Variants in UBE2D1 observed in about 807,000 individuals in gnomAD.
UBE2D1 encodes ubiquitin conjugating enzyme E2 D1.
A neutral mutation model predicts 24.6 loss-of-function variants in UBE2D1; 9 were observed. The observed-to-expected ratio is 0.37, with a 90% confidence interval of 0.22 to 0.64. UBE2D1 has a LOEUF of 0.64. UBE2D1 is among the 30% of genes least tolerant of loss of function. UBE2D1 has a pLI of 0.64. For missense variants in UBE2D1, 87 were observed against 177.1 expected (o/e 0.49, Z 2.89); for synonymous variants, 57 against 57.6 (o/e 0.99, Z 0.04).
chr10:58,351,405 C>A (rs1430585495), intron 1 of UBE2D1, among the ~76,000 whole-genome samples: 4 of 152,088 alleles, frequency 2.6e-5, no homozygotes, highest in African/African-American at 9.6e-5. Context: ...ATTTTTTTCA[C>A]ATTTTTTTCA....
chr10:58,360,318 G>T (rs1200662885), intron 1 of UBE2D1, among the ~76,000 whole-genome samples: 1 of 151,988 alleles, frequency 6.6e-6, no homozygotes, highest in African/African-American at 2.4e-5. Context: ...TTGAATGTAT[G>T]CCTTTCTTCT....
Position 58,369,048 on chromosome 10 carries a change from A to C in UBE2D1, c.*283A>C, listed in dbSNP as rs1589005600. On this transcript the variant is annotated 3_prime_UTR_variant, in exon 7 of 7. Transcript: ENST00000373910. ...CTTCAGCTTACAAGATCTACAATGCAGCTGAAAAGCAACCAAATTATTTTT... is the reference window on the plus strand; with the variant it reads ...CTTCAGCTTACAAGATCTACAATGCCGCTGAAAAGCAACCAAATTATTTTT... 6 of 224,434 alleles carry C rather than the reference A, an allele frequency of 2.7e-5. No homozygotes were observed. The East Asian group carries it at 5.1e-4, about 19-fold the overall frequency. 13.9% of individuals were successfully genotyped at this position (224,434 alleles called of 1,614,324 possible).
intron 1 of UBE2D1, among the ~76,000 whole-genome samples, chr10:58,341,416 C>A (rs926021881): frequency 1.3e-4 from 20 of 152,026 alleles, no homozygotes; most frequent in African/African-American, 4.8e-4. Flanking sequence ...TAATAAGCCA[C>A]GATGTAAATT....
chr10:58,357,481 A>G, intron 1 of UBE2D1, among the ~76,000 whole-genome samples: 1 of 152,162 alleles, frequency 6.6e-6, no homozygotes. Context: ...AAGCAAAAAA[A>G]GTGGGGTTTT....
chr10:58,367,378 AATTTTC>A (rs1295420212), intron 5 of UBE2D1, among the ~76,000 whole-genome samples: 1 of 152,090 alleles, frequency 6.6e-6, no homozygotes, highest in Non-Finnish European at 1.5e-5. Flanking sequence ...CTACTTTTTC[AATTTTC>A]ATTTCTTTTT....
intron 1 of UBE2D1, among the ~76,000 whole-genome samples, chr10:58,356,744 A>T (rs368615346): frequency 2.1e-4 from 32 of 152,326 alleles, no homozygotes; most frequent in African/African-American, 7.2e-4. Context: ...ATTGTAATTG[A>T]CAATGGTTTG....
rs549571044 is a variant in UBE2D1 at position 58,361,366 on chromosome 10, C to A, written c.53C>A (p.Pro18His). 1 of 1,614,192 alleles carries A rather than the reference C, an allele frequency of 6.2e-7. No individual in the cohort carries two copies. Among genetic ancestry groups the A allele is most frequent in the South Asian group, 1.1e-5 (1 of 91,084 alleles). The change falls in exon 2 of 7, where the codon CCT becomes CAT. Residue 18 changes from proline to histidine, a missense_variant. Physicochemically the swap from Pro to His is moderately conservative, Grantham distance 77 (BLOSUM62 -2). Coordinates refer to ENST00000373910, the MANE Select transcript of UBE2D1 (RefSeq NM_003338.5). ...KELSDLQRDP[P>H]AHCSAGPVGD... ...TTGAGTGATCTACAGCGCGATCCAC[C>A]TGCTCACTGTTCAGCTGGACCTGTG... is the stretch of plus-strand genomic sequence containing the variant.
chr10:58,364,899 AAACAGTTGAT>A, intron 5 of UBE2D1, 23 bp downstream of exon 5: 1 of 1,579,578 alleles, frequency 6.3e-7, no homozygotes, highest in Non-Finnish European at 8.7e-7. Flanking sequence ...ATCAGGTTTG[AAACAGTTGAT>A]AACAGTGAGA....
intron 1 of UBE2D1, among the ~76,000 whole-genome samples, chr10:58,353,692 T>C (rs1232765152): frequency 6.6e-6 from 1 of 152,236 alleles, no homozygotes; most frequent in Non-Finnish European, 1.5e-5. Flanking sequence ...TAATATTCTT[T>C]TGATATTCAT....
intron 3 of UBE2D1, among the ~76,000 whole-genome samples, chr10:58,362,405 T>G (rs1840209640): frequency 6.6e-6 from 1 of 152,190 alleles, no homozygotes; most frequent in African/African-American, 2.4e-5. Context: ...AATTATTGTT[T>G]TATTAAGTTT....
intron 1 of UBE2D1, among the ~76,000 whole-genome samples, chr10:58,356,501 A>T (rs1049937474): frequency 6.6e-6 from 1 of 152,090 alleles, no homozygotes; most frequent in Non-Finnish European, 1.5e-5. Context: ...ATGGACCTTT[A>T]GGTTATTTCA....
rs1330852284 is a variant in UBE2D1 at position 58,354,650 on chromosome 10, A to G, written c.25-6688A>G. On this transcript the variant is annotated intron_variant, in intron 1 of 6. Coordinates refer to ENST00000373910, the MANE Select transcript of UBE2D1 (RefSeq NM_003338.5). ...AGTTCAAGACCAGCCTGGCCAATAT[A>G]TAGTGAAACCCCTTTTCTACTAAAA... is the stretch of plus-strand genomic sequence containing the variant. 4.6e-5 allele frequency among the ~76,000 whole-genome samples: 7 copies of G among 152,226 alleles called. No homozygotes were observed. The East Asian group carries it at 1.4e-3, about 29-fold the overall frequency.
At chr10:58,360,772 G>A in intron 1 of UBE2D1, 1 of 277,534 alleles carries the variant, frequency 3.6e-6, no homozygotes, top group East Asian at 8.9e-5. Flanking sequence ...AAATTAGCCG[G>A]GTGTGCTGGC....
chr10:58,348,275 G>C (rs1840037101), intron 1 of UBE2D1, among the ~76,000 whole-genome samples: 1 of 152,182 alleles, frequency 6.6e-6, no homozygotes, highest in Non-Finnish European at 1.5e-5. Context: ...CATTTCTGAT[G>C]ATCGTTTGAC....
At chr10:58,348,542 A>G (rs1840040108) in intron 1 of UBE2D1, among the ~76,000 whole-genome samples, 2 of 152,190 alleles carry the variant, frequency 1.3e-5, no homozygotes, top group Admixed American at 6.5e-5. Flanking sequence ...GGACTCAATA[A>G]TTTAAATTTT....
At chr10:58,360,876 C>T (rs372509999) in intron 1 of UBE2D1, 7 of 420,050 alleles carry the variant, frequency 1.7e-5, no homozygotes, top group East Asian at 7.0e-5. Flanking sequence ...AGTGAGCTTT[C>T]GTGCCACTGC....
Position 58,364,757 on chromosome 10 carries a change from TG to T in UBE2D1, c.199-13del. On this transcript the variant is annotated splice_polypyrimidine_tract_variant and intron_variant, in intron 4 of 6. Coordinates refer to ENST00000373910, the MANE Select transcript of UBE2D1 (RefSeq NM_003338.5). Reference sequence around the variant, plus strand: ...AGGTGATTGTCATATTTTGTTGTTTTGTTTTATGTTTAGATTGCTTTCACAA... The same window carrying T: ...AGGTGATTGTCATATTTTGTTGTTTTTTTTATGTTTAGATTGCTTTCACAA... The T allele has an allele frequency of 6.3e-7, 1 of 1,592,628 alleles. No individual in the cohort carries two copies. Among genetic ancestry groups the T allele is most frequent in the Non-Finnish European group, 8.6e-7 (1 of 1,162,636 alleles).
rs1181811876 is a variant in UBE2D1, at chr10:58,369,401, A to G, written c.*636A>G. The G allele has an allele frequency of 6.6e-6, 1 of 152,506 alleles. No homozygotes were observed. The highest frequency in any genetic ancestry group is 2.4e-5 in the African/African-American group (1 of 41,450). 9.4% of individuals were successfully genotyped at this position (152,506 alleles called of 1,614,324 possible). ...CTCAGCATACTGATTATGGAGAAAC[A>G]CTTGTTTTGATTTTGTTATACTTGA... On this transcript the variant is annotated 3_prime_UTR_variant, in exon 7 of 7. Transcript: ENST00000373910.
intron 1 of UBE2D1, among the ~76,000 whole-genome samples, chr10:58,352,334 C>T (rs1473817603): frequency 2.0e-5 from 3 of 152,106 alleles, no homozygotes; most frequent in African/African-American, 7.2e-5. Context: ...CTTTGCAGAG[C>T]TCCCAGGGAG....
Sources: gnomAD v4.1 joint callset for allele counts (sites outside exome capture counted in the v4.1 genomes callset) on GRCh38, gnomAD v4.1.1 for gene constraint, MANE v1.5 for transcripts, NCBI Gene and HGNC (gene_info 2026-07-23, HGNC 2026-07-21) for gene names.